Variants in ZNF2 observed in about 807,000 individuals in gnomAD.
ZNF2 encodes the protein zinc finger protein 2.2.
In ZNF2, 12 loss-of-function variants were observed where a neutral mutation model predicts 21.9. The ratio of observed to expected loss-of-function variants is 0.55; its 90% CI spans 0.35 to 0.89. The LOEUF is 0.89. Among genes scored for constraint, ZNF2 ranks in the 40% least tolerant of loss-of-function variants. ZNF2 has a pLI of 0.01. For synonymous variants in ZNF2, 186 were observed against 196.3 expected (o/e 0.95, Z 0.44); for missense variants, 462 against 544.2 (o/e 0.85, Z 1.50).
chr2:95,176,220 G>A lies in ZNF2; in HGVS notation c.-7G>A. On this transcript the variant is annotated 5_prime_UTR_variant, in exon 2 of 5. Coordinates refer to ENST00000614034, the MANE Select transcript of ZNF2 (RefSeq NM_021088.4). The stretch of plus-strand genomic sequence containing the variant: ...CCCTTGTCCACAAGGAGAGCACACA[G>A]GAGAGAATGGCTGCTGTGTCTCCGA... 1.2e-6 allele frequency: 2 copies of A among 1,614,178 alleles called. No individual in the cohort carries two copies. Among genetic ancestry groups the A allele is most frequent in the Non-Finnish European group, 1.7e-6 (2 of 1,180,044 alleles).
chr2:95,167,368 T>C (rs1051034466), intron 1 of ZNF2, among the ~76,000 whole-genome samples: 6 of 149,648 alleles, frequency 4.0e-5, no homozygotes, highest in African/African-American at 1.2e-4. Flanking sequence ...TAGCCGGGCG[T>C]GGTGGCGGGC....
intron 1 of ZNF2, among the ~76,000 whole-genome samples, chr2:95,171,817 C>G (rs1334915991): frequency 1.3e-5 from 2 of 152,138 alleles, no homozygotes; most frequent in Non-Finnish European, 2.9e-5. Flanking sequence ...TTCCTGTAAT[C>G]CCATCACACC....
In ZNF2 at chr2:95,181,951, G is replaced by C; in HGVS notation, c.1123G>C (p.Gly375Arg). 1.9e-6 allele frequency: 3 copies of C among 1,614,288 alleles called. No homozygotes were observed. Among genetic ancestry groups the C allele is most frequent in the Non-Finnish European group, 2.5e-6 (3 of 1,180,054 alleles). ...GDKPYECSEC[G>R]KAFSQRCRLT... ...CAAGCCATATGAATGCAGCGAATGC[G>C]GGAAAGCCTTTAGCCAGCGGTGCCG... Residue 375 changes from glycine to arginine, a missense_variant, in exon 5 of 5, where the codon GGG becomes CGG. Coordinates refer to ENST00000614034, the MANE Select transcript of ZNF2 (RefSeq NM_021088.4).
intron 1 of ZNF2, among the ~76,000 whole-genome samples, chr2:95,169,990 C>G (rs950028750): frequency 2.0e-5 from 3 of 152,128 alleles, no homozygotes; most frequent in Non-Finnish European, 2.9e-5. Flanking sequence ...AAGAAACTTT[C>G]CTGAGGTAGC....
chr2:95,175,300 A>G (rs1462253323), intron 1 of ZNF2, among the ~76,000 whole-genome samples: 1 of 152,230 alleles, frequency 6.6e-6, no homozygotes, highest in Non-Finnish European at 1.5e-5. Context: ...CTATGAATAA[A>G]TAAGGATGGT....
chr2:95,172,528 A>T (rs566178204), intron 1 of ZNF2, among the ~76,000 whole-genome samples: 1 of 152,190 alleles, frequency 6.6e-6, no homozygotes, highest in African/African-American at 2.4e-5. Context: ...CACCACTCAA[A>T]TTTCATTTAC....
intron 3 of ZNF2, among the ~76,000 whole-genome samples, chr2:95,179,746 A>G (rs920506088): frequency 6.6e-6 from 1 of 151,980 alleles, no homozygotes; most frequent in African/African-American, 2.4e-5. Context: ...TGCCTTTTGC[A>G]TTTTCTCTCT....
intron 1 of ZNF2, among the ~76,000 whole-genome samples, chr2:95,172,321 G>A (rs1390918427): frequency 4.6e-5 from 7 of 152,078 alleles, no homozygotes; most frequent in African/African-American, 1.4e-4. Context: ...TCTCAAAATC[G>A]AAGTTTCCAG....
chr2:95,182,045 T>C lies in ZNF2; in HGVS notation c.1217T>C (p.Phe406Ser), dbSNP rs1394002493. The C allele has an allele frequency of 6.2e-7, 1 of 1,613,624 alleles. No individual in the cohort carries two copies. The highest frequency in any genetic ancestry group is 2.2e-5 in the East Asian group (1 of 44,860). ...GAATGCACTGTGTGTGGGAAAGTTT[T>C]CAGTTCAAAATCTTCTGTTATTCAA... ...PFECTVCGKV[F>S]SSKSSVIQHQ... The change falls in exon 5 of 5, where the codon TTC (phenylalanine) becomes TCC (serine). Residue 406 changes from phenylalanine (F) to serine (S), a missense_variant. Coordinates refer to ENST00000614034, the MANE Select transcript of ZNF2 (RefSeq NM_021088.4).
At position 95,181,287 on chromosome 2, in the gene ZNF2, C is replaced by T. The variant is rs375372488; in HGVS notation, c.459C>T (p.Asp153=). 1 of 1,614,072 alleles carries T rather than the reference C, an allele frequency of 6.2e-7. No individual in the cohort carries two copies. The highest frequency in any genetic ancestry group is 1.3e-5 in the African/African-American group (1 of 74,940). Reference sequence around the variant, plus strand: ...CTCGTAAGAAATCCCTCTCCCGGGACAAAGGCTTGCGGCGACGGTCAGCCC... The same window carrying T: ...CTCGTAAGAAATCCCTCTCCCGGGATAAAGGCTTGCGGCGACGGTCAGCCC... ...GETRKKSLSR[D]KGLRRRSALS... is the part of the protein sequence containing the mutation. The change falls in exon 5 of 5, where the codon GAC becomes GAT. Residue 153 remains aspartate (D), a synonymous_variant. Coordinates refer to ENST00000614034, the MANE Select transcript of ZNF2 (RefSeq NM_021088.4).
In ZNF2 at chr2:95,182,058, T is replaced by C. The variant is rs777306368; in HGVS notation, c.1230T>C (p.Ser410=). Reference sequence around the variant, plus strand: ...GTGGGAAAGTTTTCAGTTCAAAATCTTCTGTTATTCAACATCAACGGCGTT... The same window carrying C: ...GTGGGAAAGTTTTCAGTTCAAAATCCTCTGTTATTCAACATCAACGGCGTT... The part of the protein sequence containing the change: ...TVCGKVFSSK[S]SVIQHQRRYA... Residue 410 remains serine, a synonymous_variant, in exon 5 of 5, where the codon TCT becomes TCC. Coordinates refer to ENST00000614034, the MANE Select transcript of ZNF2 (RefSeq NM_021088.4). The C allele has an allele frequency of 6.2e-7, 1 of 1,612,378 alleles. No homozygotes were observed. The highest frequency in any genetic ancestry group is 8.5e-7 in the Non-Finnish European group (1 of 1,178,626).
At position 95,183,787 on chromosome 2, in the gene ZNF2, A is replaced by G. The variant is rs1157092790; in HGVS notation, c.*1681A>G. The G allele has an allele frequency of 3.3e-5, 5 of 151,744 alleles. No homozygotes were observed. Among genetic ancestry groups the G allele is most frequent in the Non-Finnish European group, 7.4e-5 (5 of 67,970 alleles). The allele number at this position is 151,744 out of a possible 1,614,324, so 9.4% of individuals were successfully genotyped here. ...AGGTGCCCGCCAACACGCCCGGCTA[A>G]TTTTTTGTATTTTTAGTAGAGACGG... On this transcript the variant is annotated 3_prime_UTR_variant, in exon 5 of 5. Coordinates refer to ENST00000614034, the MANE Select transcript of ZNF2 (RefSeq NM_021088.4).
In ZNF2 at chr2:95,173,856, A is replaced by G. The variant is rs1674357773; in HGVS notation, c.-39-2332A>G. ...CCCAAGTAGCTGGGACTAAAGGCAC[A>G]CGCCACCACGCCCAGCTAATTTTTT... On this transcript the variant is annotated intron_variant, in intron 1 of 4. Transcript: ENST00000614034. 3.9e-5 allele frequency among the ~76,000 whole-genome samples: 6 copies of G among 152,274 alleles called. No individual in the cohort carries two copies. The South Asian group carries it at 1.2e-3, about 32-fold the overall frequency.
intron 1 of ZNF2, among the ~76,000 whole-genome samples, chr2:95,172,549 G>A (rs1418835370): frequency 6.6e-6 from 1 of 151,410 alleles, no homozygotes; most frequent in East Asian, 1.9e-4. Context: ...ATTTTATTAT[G>A]TGTTTTTCCT....
chr2:95,179,893 C>G (rs999138415), intron 3 of ZNF2, among the ~76,000 whole-genome samples: 7 of 152,294 alleles, frequency 4.6e-5, no homozygotes, highest in African/African-American at 1.7e-4. Context: ...CCCATCTCTA[C>G]TAAAAATACA....
intron 1 of ZNF2, among the ~76,000 whole-genome samples, chr2:95,175,453 A>T (rs1674409684): frequency 6.6e-6 from 1 of 152,136 alleles, no homozygotes; most frequent in African/African-American, 2.4e-5. Flanking sequence ...GTGGTCTATT[A>T]TGACCTTTTC....
chr2:95,167,933 TA>T lies in ZNF2; in HGVS notation c.-40+2075del, dbSNP rs577473015. 5.4e-5 allele frequency among the ~76,000 whole-genome samples: 8 copies of T among 148,164 alleles called. No homozygotes were observed. In the East Asian group the frequency reaches 1.6e-3, roughly 29 times the overall value. On this transcript the variant is annotated intron_variant, in intron 1 of 4. Coordinates refer to ENST00000614034, the MANE Select transcript of ZNF2 (RefSeq NM_021088.4). ...CTGAAAAACAGGGACTGGAGAAGAGTAAGTGGTAACAGTGTGGAGTCAGTAG... is the reference window on the plus strand; with the variant it reads ...CTGAAAAACAGGGACTGGAGAAGAGTAGTGGTAACAGTGTGGAGTCAGTAG...
chr2:95,177,546 C>T lies in ZNF2; in HGVS notation c.97C>T (p.Pro33Ser). The T allele has an allele frequency of 6.2e-7, 1 of 1,614,022 alleles. No individual in the cohort carries two copies. The highest frequency in any genetic ancestry group is 1.1e-5 in the South Asian group (1 of 91,066). ...FTDEEWSRLV[P>S]IQRDLYKEVM... Reference sequence around the variant, plus strand: ...AGATGAAGAGTGGAGTCGTCTGGTCCCCATACAGAGGGACCTCTACAAGGA... The same window carrying T: ...AGATGAAGAGTGGAGTCGTCTGGTCTCCATACAGAGGGACCTCTACAAGGA... The change falls in exon 3 of 5, where the codon CCC becomes TCC. Residue 33 changes from proline to serine, a missense_variant. Pro to Ser is a moderately conservative substitution (Grantham distance 74). Coordinates refer to ENST00000614034, the MANE Select transcript of ZNF2 (RefSeq NM_021088.4).
At chr2:95,173,653 T>G (rs1215880299) in intron 1 of ZNF2, among the ~76,000 whole-genome samples, 1 of 152,266 alleles carries the variant, frequency 6.6e-6, no homozygotes, top group Non-Finnish European at 1.5e-5. Flanking sequence ...GCACAGTACC[T>G]GGCAAATAGA....
Sources: allele counts gnomAD v4.1 joint callset (sites outside exome capture counted in the v4.1 genomes callset), GRCh38; gene constraint gnomAD v4.1.1; transcripts MANE v1.5; gene names NCBI Gene and HGNC (gene_info 2026-07-23, HGNC 2026-07-21).